IL16: variants seen among roughly 807,000 people sequenced by gnomAD.
IL16 encodes pro-interleukin-16.
Under a neutral mutation model 110.1 loss-of-function variants are expected in IL16, and 67 were observed. That is an observed-to-expected ratio of 0.61 (90% confidence interval 0.50 to 0.75). The LOEUF is 0.75. Among genes scored for constraint, IL16 ranks in the 30% least tolerant of loss-of-function variants. The pLI, the probability that IL16 is intolerant of heterozygous loss-of-function variation, is 0.00. For missense variants in IL16, 1,545 were observed against 1,655.0 expected (o/e 0.93, Z 1.15); for synonymous variants, 689 against 662.9 (o/e 1.04, Z -0.61).
chr15:81,242,182 C>G (rs1263771955), intron 2 of IL16, among the ~76,000 whole-genome samples: 2 of 152,030 alleles, frequency 1.3e-5, no homozygotes, highest in Non-Finnish European at 2.9e-5. Context: ...TGATTCCGCC[C>G]ATTTTATTCT....
intron 2 of IL16, among the ~76,000 whole-genome samples, chr15:81,239,149 C>T (rs755862734): frequency 6.6e-6 from 1 of 151,972 alleles, no homozygotes; most frequent in South Asian, 2.1e-4. Flanking sequence ...TCACATGACT[C>T]GTGAATTCTC....
intron 2 of IL16, among the ~76,000 whole-genome samples, chr15:81,227,709 TC>T (rs1311733686): frequency 2.6e-5 from 4 of 152,130 alleles, no homozygotes; most frequent in Non-Finnish European, 1.5e-5. Context: ...AAAGGAGCAC[TC>T]TGACTGCTGA....
intron 2 of IL16, among the ~76,000 whole-genome samples, chr15:81,246,356 G>A (rs781141278): frequency 1.6e-4 from 25 of 151,926 alleles, no homozygotes; most frequent in Non-Finnish European, 3.5e-4. Flanking sequence ...CTAACCCCTG[G>A]CAACCACTTA....
intron 2 of IL16, among the ~76,000 whole-genome samples, chr15:81,243,467 G>A (rs1306280298): frequency 6.6e-6 from 1 of 151,916 alleles, no homozygotes; most frequent in African/African-American, 2.4e-5. Flanking sequence ...TTATAGGCAT[G>A]AGCCACCATG....
At chr15:81,248,838 A>G (rs932475760) in intron 2 of IL16, among the ~76,000 whole-genome samples, 1 of 149,474 alleles carries the variant, frequency 6.7e-6, no homozygotes, top group African/African-American at 2.5e-5. Flanking sequence ...CTCCTGCCTC[A>G]GCCTCCCAAG....
chr15:81,310,149 C>T lies in IL16; in HGVS notation c.*1351C>T, dbSNP rs529045384. ...CAGAGTATTGGTCTCCTCTCAGCCCCTGATCCTGTGAAGTAAGGATGTGGG... is the reference window on the plus strand; with the variant it reads ...CAGAGTATTGGTCTCCTCTCAGCCCTTGATCCTGTGAAGTAAGGATGTGGG... On this transcript the variant is annotated 3_prime_UTR_variant, in exon 19 of 19. Coordinates refer to ENST00000683961, the MANE Select transcript of IL16 (RefSeq NM_172217.5). The T allele has an allele frequency of 3.9e-5, 6 of 152,260 alleles. No individual in the cohort carries two copies. Among genetic ancestry groups the T allele is most frequent in the Non-Finnish European group, 8.8e-5 (6 of 68,062 alleles). The allele number at this position is 152,260 out of a possible 1,614,324, so 9.4% of individuals were successfully genotyped here.
chr15:81,300,918 T>A (rs1362813048), intron 14 of IL16, among the ~76,000 whole-genome samples: 2 of 152,214 alleles, frequency 1.3e-5, no homozygotes, highest in African/African-American at 4.8e-5. Context: ...TGGGTTCAAC[T>A]CCCTCGTCAG....
At chr15:81,286,458 GC>G (rs1219818145) in intron 10 of IL16, among the ~76,000 whole-genome samples, 1 of 152,196 alleles carries the variant, frequency 6.6e-6, no homozygotes, top group African/African-American at 2.4e-5. Flanking sequence ...GTTCTGTGGG[GC>G]TGGAATGTAG....
rs183847813 is a variant in IL16, at chr15:81,225,431, G to A, written c.32G>A (p.Arg11Lys). The A allele has an allele frequency of 1.4e-4, 226 of 1,614,158 alleles. 1 individual carries two copies. Among genetic ancestry groups the A allele is most frequent in the Middle Eastern group, 1.2e-3 (7 of 6,062 alleles). Residue 11 changes from arginine (R) to lysine (K), a missense_variant, in exon 2 of 19, where the codon AGA becomes AAA. Transcript: ENST00000683961. MESHSRAGKSRKSAKFRSISR... is the reference protein window; with the variant it reads MESHSRAGKSKKSAKFRSISR... ...TCGCACAGCCGCGCTGGAAAGAGCA[G>A]AAAATCTGCAAAATTTCGGTCCATC...
intron 2 of IL16, among the ~76,000 whole-genome samples, chr15:81,257,419 T>A (rs756357767): frequency 3.9e-5 from 6 of 152,074 alleles, no homozygotes; most frequent in Non-Finnish European, 8.8e-5. Context: ...TAGGGAGAAA[T>A]GCATGTCAGA....
At chr15:81,204,750 A>T (rs201682893) in intron 1 of IL16, among the ~76,000 whole-genome samples, 22,333 of 130,696 alleles carry the variant, frequency 0.17, 3,832 homozygotes, top group African/African-American at 0.45. Flanking sequence ...TAACAAAATT[A>T]AAAAAAAAAA....
intron 1 of IL16, among the ~76,000 whole-genome samples, chr15:81,203,955 C>T (rs896903061): frequency 2.0e-5 from 3 of 151,882 alleles, no homozygotes; most frequent in African/African-American, 7.3e-5. Context: ...TACCCATGAG[C>T]GTGGAATGTT....
chr15:81,224,709 C>A (rs1043409223), intron 1 of IL16, among the ~76,000 whole-genome samples: 1 of 152,174 alleles, frequency 6.6e-6, no homozygotes, highest in Non-Finnish European at 1.5e-5. Flanking sequence ...ACCTTCCTAG[C>A]CTTGGGCTCT....
At chr15:81,308,107 T>G (rs1900665448) in intron 18 of IL16, among the ~76,000 whole-genome samples, 1 of 152,192 alleles carries the variant, frequency 6.6e-6, no homozygotes, top group Admixed American at 6.5e-5. Context: ...GTTTCCTTTT[T>G]TATGTGGACA....
intron 3 of IL16, among the ~76,000 whole-genome samples, chr15:81,262,744 C>T (rs1032707727): frequency 6.6e-6 from 1 of 152,092 alleles, no homozygotes; most frequent in African/African-American, 2.4e-5. Flanking sequence ...CCAGCCTGAC[C>T]AACATAGAGA....
intron 6 of IL16, among the ~76,000 whole-genome samples, chr15:81,277,519 A>C (rs1325638201): frequency 1.3e-5 from 2 of 151,166 alleles, no homozygotes; most frequent in Non-Finnish European, 2.9e-5. Flanking sequence ...ATCACAGCTC[A>C]CTGCAGCCTT....
chr15:81,301,110 G>C (rs938879334), intron 14 of IL16, among the ~76,000 whole-genome samples: 2 of 152,120 alleles, frequency 1.3e-5, no homozygotes, highest in African/African-American at 4.8e-5. Context: ...GCTGGGGCTT[G>C]GTCTTCCCTC....
At chr15:81,237,794 T>C (rs1226080916) in intron 2 of IL16, among the ~76,000 whole-genome samples, 1 of 152,116 alleles carries the variant, frequency 6.6e-6, no homozygotes, top group Non-Finnish European at 1.5e-5. Flanking sequence ...ATTTTCAACC[T>C]ATTTGTTATG....
intron 2 of IL16, among the ~76,000 whole-genome samples, chr15:81,244,611 A>G (rs185867518): frequency 9.9e-5 from 15 of 152,190 alleles, no homozygotes; most frequent in Non-Finnish European, 1.5e-4. Flanking sequence ...TGTTTTTAAG[A>G]TAATTTTATG....
Sources: gnomAD v4.1 joint callset for allele counts (sites outside exome capture counted in the v4.1 genomes callset) on GRCh38, gnomAD v4.1.1 for gene constraint, MANE v1.5 for transcripts, NCBI Gene and HGNC (gene_info 2026-07-23, HGNC 2026-07-21) for gene names.